Variants in KIF5A observed in about 807,000 individuals in gnomAD.
KIF5A encodes the protein kinesin heavy chain isoform 5A.
A neutral mutation model predicts 141.3 loss-of-function variants in KIF5A; 35 were observed. The ratio of observed to expected loss-of-function variants is 0.25; its 90% CI spans 0.19 to 0.33. The LOEUF is 0.33. KIF5A is among the 10% of genes least tolerant of loss of function. The probability of loss-of-function intolerance (pLI) is 1.00; values close to 1 mark genes in which losing one functional copy is unlikely to be tolerated. For missense variants in KIF5A, 861 were observed against 1,314.3 expected, an observed-to-expected ratio of 0.66 and a Z score of 5.33; for synonymous variants, 448 against 500.2, an observed-to-expected ratio of 0.90 and a Z score of 1.39.
rs1882471986 is a variant in KIF5A, at chr12:57,577,757, G to T, written c.2345G>T (p.Gly782Val). The change falls in exon 21 of 29, where the codon GGT (glycine) becomes GTT (valine). Residue 782 changes from glycine (G) to valine (V), a missense_variant. Physicochemically the swap from Gly to Val is moderately radical, Grantham distance 109. Transcript: ENST00000455537. ...RHEQSKQDLK[G>V]LEETVARELQ... ...GAGCAGTCCAAGCAGGACCTCAAGG[G>T]TCTGGAGGAGACAGTTGTGAGTGGT... 3 of 1,613,696 alleles carry T rather than the reference G, an allele frequency of 1.9e-6. No individual in the cohort carries two copies. Among genetic ancestry groups the T allele is most frequent in the East Asian group, 2.2e-5 (1 of 44,876 alleles).
intron 5 of KIF5A, 115 bp from the exon 6 acceptor site, chr12:57,564,803 C>A: frequency 2.0e-6 from 2 of 1,019,164 alleles, no homozygotes; most frequent in Non-Finnish European, 3.1e-6. Context: ...TTAGGCTTCA[C>A]AGGGAGAGTC....
At chr12:57,565,189 G>T (rs562571511) in intron 6 of KIF5A, among the ~76,000 whole-genome samples, 90 of 152,312 alleles carry the variant, frequency 5.9e-4, no homozygotes, top group African/African-American at 2.1e-3. Context: ...GGAGGCTGAG[G>T]TGGGTGGATC....
intron 8 of KIF5A, among the ~76,000 whole-genome samples, chr12:57,568,114 C>G (rs1320879806): frequency 6.6e-6 from 1 of 152,100 alleles, no homozygotes; most frequent in Non-Finnish European, 1.5e-5. Context: ...AACTCCTGAC[C>G]TCGGGATCCA....
At chr12:57,569,140 A>G (rs1346466410) in intron 9 of KIF5A, 73 bp downstream of exon 9, 2 of 1,549,994 alleles carry the variant, frequency 1.3e-6, no homozygotes, top group African/African-American at 2.7e-5. Flanking sequence ...ATGCCACCAT[A>G]TGATCATGCC....
In KIF5A at chr12:57,577,174, C is replaced by T. The variant is rs775243; in HGVS notation, c.2300+312C>T. ...AGAAAAAAGTCTAGAAAGGTGGACA[C>T]CAGAAGGTTAATGTTGGTTTGATCT... is the stretch of plus-strand genomic sequence containing the variant. On this transcript the variant is annotated intron_variant, in intron 20 of 28. Coordinates refer to ENST00000455537, the MANE Select transcript of KIF5A (RefSeq NM_004984.4). Among the ~76,000 whole-genome samples, 142 of 152,272 alleles carry T rather than the reference C, an allele frequency of 9.3e-4. 1 individual carries two copies. The Middle Eastern group carries it at 0.014, about 15-fold the overall frequency.
At position 57,550,294 on chromosome 12, in the gene KIF5A, G is replaced by A. The variant is rs940856567; in HGVS notation, c.23G>A (p.Cys8Tyr). MAETNNE[C>Y]SIKVLCRFRP... is the part of the protein sequence containing the mutation. ...ACCATGGCGGAGACCAACAACGAAT[G>A]TAGCATCAAGGTGCTCTGCCGATTC... The change falls in exon 1 of 29, where the codon TGT (cysteine) becomes TAT (tyrosine). Residue 8 changes from cysteine to tyrosine, a missense_variant. Physicochemically the swap from Cys to Tyr is radical, Grantham distance 194. Around this residue, in one of 5 missense-constraint regions of KIF5A, gnomAD observed 59 missense variants for 81.1 expected, o/e 0.73. Transcript: ENST00000455537. This position sits in a 1 kb window ranked among gnomAD's most constrained non-coding sequence, Gnocchi z 4.6. 1 of 1,614,086 alleles carries A rather than the reference G, an allele frequency of 6.2e-7. No homozygotes were observed. Among genetic ancestry groups the A allele is most frequent in the Non-Finnish European group, 8.5e-7 (1 of 1,180,030 alleles).
chr12:57,553,879 G>C (rs1881653337), intron 1 of KIF5A, among the ~76,000 whole-genome samples: 1 of 152,150 alleles, frequency 6.6e-6, no homozygotes, highest in Non-Finnish European at 1.5e-5. Context: ...GGGGGTGGGA[G>C]AGAGATTGGA....
In KIF5A at chr12:57,567,196, G is replaced by T; in HGVS notation, c.572G>T (p.Arg191Leu). 1.2e-6 allele frequency: 2 copies of T among 1,612,564 alleles called. No homozygotes were observed. The highest frequency in any genetic ancestry group is 1.7e-6 in the Non-Finnish European group (2 of 1,178,866). Reference sequence around the variant, plus strand: ...GTGATTGATGAAGGGAAATCAAATCGTCATGTGGCTGTCACCAGTGAGTGA... The same window carrying T: ...GTGATTGATGAAGGGAAATCAAATCTTCATGTGGCTGTCACCAGTGAGTGA... ...LDVIDEGKSN[R>L]HVAVTNMNEH... Residue 191 changes from arginine (R) to leucine (L), a missense_variant, in exon 7 of 29, where the codon CGT (arginine) becomes CTT (leucine). Physicochemically the swap from Arg to Leu is moderately radical, Grantham distance 102. Coordinates refer to ENST00000455537, the MANE Select transcript of KIF5A (RefSeq NM_004984.4).
intron 4 of KIF5A, 26 bp downstream of exon 4, chr12:57,564,238 T>G: frequency 1.4e-6 from 2 of 1,472,950 alleles, no homozygotes; most frequent in Non-Finnish European, 1.9e-6. Flanking sequence ...CAGCTGGGCA[T>G]TCAGATGGGG....
chr12:57,557,477 C>T (rs748467848), intron 1 of KIF5A, among the ~76,000 whole-genome samples: 11 of 151,746 alleles, frequency 7.2e-5, no homozygotes, highest in Middle Eastern at 3.4e-3. Context: ...GAAAGGACAC[C>T]GAAGAAGCTA....
At chr12:57,581,978 A>T (rs747241893) in intron 26 of KIF5A, 26 bp downstream of exon 26, 1 of 1,589,276 alleles carries the variant, frequency 6.3e-7, no homozygotes, top group East Asian at 2.2e-5. Flanking sequence ...GGGTAATCCC[A>T]CCTTTGGGGT....
chr12:57,565,009 T>A (rs373926336), intron 6 of KIF5A, 36 bp downstream of exon 6: 20 of 1,594,488 alleles, frequency 1.3e-5, no homozygotes, highest in Non-Finnish European at 1.5e-5. Flanking sequence ...GTGGGGCCAG[T>A]GTATTGAGAA....
Position 57,578,057 on chromosome 12 carries a change from G to A in KIF5A, c.2410G>A (p.Asp804Asn), listed in dbSNP as rs749574366. 6.2e-7 allele frequency: 1 copy of A among 1,614,182 alleles called. No homozygotes were observed. Residue 804 changes from aspartate (D) to asparagine (N), a missense_variant, in exon 22 of 29, where the codon GAC (aspartate) becomes AAC (asparagine). Asp to Asn is a conservative substitution (Grantham distance 23). This residue lies in a region of KIF5A where 482 missense variants were observed against 661.3 expected (regional missense o/e 0.73). Coordinates refer to ENST00000455537, the MANE Select transcript of KIF5A (RefSeq NM_004984.4). ...CAACCTTCGCAAGCTGTTCGTTCAAGACGTCACGACTCGAGTCAAGAAAGT... is the reference window on the plus strand; with the variant it reads ...CAACCTTCGCAAGCTGTTCGTTCAAAACGTCACGACTCGAGTCAAGAAAGT... ...LHNLRKLFVQ[D>N]VTTRVKKSAE...
At chr12:57,563,338 A>G in intron 1 of KIF5A, 101 bp from the exon 2 acceptor site, 1 of 837,318 alleles carries the variant, frequency 1.2e-6, no homozygotes, top group Non-Finnish European at 2.0e-6. Context: ...AAGGGCATTG[A>G]AGAAAAGGGT....
chr12:57,559,843 G>T (rs1490994191), intron 1 of KIF5A, among the ~76,000 whole-genome samples: 1 of 152,086 alleles, frequency 6.6e-6, no homozygotes, highest in African/African-American at 2.4e-5. Context: ...GTGTTTTTGA[G>T]ATATATTGAC....
chr12:57,582,518 G>A lies in KIF5A; in HGVS notation c.2993-84G>A, dbSNP rs375311525. 64 of 1,013,998 alleles carry A rather than the reference G, an allele frequency of 6.3e-5. No individual in the cohort carries two copies. In the African/African-American group the frequency reaches 8.5e-4, roughly 13 times the overall value. 62.8% of individuals were successfully genotyped at this position (1,013,998 alleles called of 1,614,324 possible). A position where few individuals can be genotyped will look rare whatever the true frequency, so the allele number is the denominator to read the frequency against. On this transcript the variant is annotated intron_variant, in intron 26 of 28. Transcript: ENST00000455537. ...CTTTTTCTCTAAGGGATTAAGATGG[G>A]AGAGGGTTTGCGCAAACTGTTTCTA...
In KIF5A at chr12:57,574,955, G is replaced by A. The variant is rs11172254; in HGVS notation, c.1717-129G>A. 0.53 allele frequency: 426,622 copies of A among 801,012 alleles called. 122,824 individuals are homozygous for A. Among genetic ancestry groups the A allele is most frequent in the Non-Finnish European group, 0.63 (293,497 of 467,940 alleles). The allele number at this position is 801,012 out of a possible 1,614,324, so 49.6% of individuals were successfully genotyped here. A position where few individuals can be genotyped will look rare whatever the true frequency, so the allele number is the denominator to read the frequency against. ...CGCTGATAGAGAGCTGCTAAAGGTC[G>A]TTTGGAAAATACCCATCCCATTTGA... On this transcript the variant is annotated intron_variant, in intron 15 of 28. Coordinates refer to ENST00000455537, the MANE Select transcript of KIF5A (RefSeq NM_004984.4).
rs764453358 is a variant in KIF5A at position 57,580,792 on chromosome 12, T to C, written c.2539-164T>C. ...GAGCTGGACAGAACAGTCCATTACA[T>C]AAAGGCAATGAGGCCTTTTGAGGAA... is the stretch of plus-strand genomic sequence containing the variant. On this transcript the variant is annotated intron_variant, in intron 23 of 28. Coordinates refer to ENST00000455537, the MANE Select transcript of KIF5A (RefSeq NM_004984.4). Among the ~76,000 whole-genome samples, 51 of 152,338 alleles carry C rather than the reference T, an allele frequency of 3.3e-4. 1 individual carries two copies. Among genetic ancestry groups the C allele is most frequent in the Non-Finnish European group, 6.2e-4 (42 of 68,042 alleles).
intron 19 of KIF5A, 35 bp from the exon 20 acceptor site, chr12:57,576,726 C>T: frequency 6.8e-7 from 1 of 1,476,024 alleles, no homozygotes; most frequent in Non-Finnish European, 9.5e-7. Context: ...TAACATCTTT[C>T]TCCCCCATCT....
Sources: allele counts gnomAD v4.1 joint callset (sites outside exome capture counted in the v4.1 genomes callset), GRCh38; gene constraint gnomAD v4.1.1; regional missense constraint gnomAD v4.1.1; non-coding constraint Gnocchi (gnomAD v3.1); transcripts MANE v1.5; gene names NCBI Gene and HGNC (gene_info 2026-07-23, HGNC 2026-07-21).